The following TRAK1 variants were observed in gnomAD, a reference collection of about 807,000 sequenced individuals.
TRAK1 encodes trafficking kinesin protein 1, also known as trafficking kinesin-binding protein 1.
Under a neutral mutation model 92.1 loss-of-function variants are expected in TRAK1, and 33 were observed. The ratio of observed to expected loss-of-function variants is 0.36; its 90% CI spans 0.27 to 0.48. TRAK1 has a LOEUF of 0.48. Ranked by LOEUF, TRAK1 falls within the 20% of genes least tolerant of loss-of-function variation. The probability of loss-of-function intolerance (pLI) is 0.99; values close to 1 mark genes in which losing one functional copy is unlikely to be tolerated. For synonymous variants in TRAK1, 521 were observed against 517.3 expected (o/e 1.01, Z -0.10); for missense variants, 1,123 against 1,257.9 (o/e 0.89, Z 1.62).
intron 1 of TRAK1, among the ~76,000 whole-genome samples, chr3:42,016,217 C>CTT (rs562121140): frequency 2.7e-3 from 377 of 141,700 alleles, no homozygotes; most frequent in African/African-American, 9.5e-3. Flanking sequence ...TTTTTTTTTT[C>CTT]TTTTTGAGTC....
intron 1 of TRAK1, among the ~76,000 whole-genome samples, chr3:42,068,702 C>G (rs185378458): frequency 4.7e-4 from 71 of 152,322 alleles, no homozygotes; most frequent in African/African-American, 1.4e-3. Context: ...AATAGGGTCT[C>G]CATTTCGCCA....
intron 1 of TRAK1, among the ~76,000 whole-genome samples, chr3:42,112,267 A>G (rs1402526119): frequency 1.3e-5 from 2 of 148,350 alleles, no homozygotes; most frequent in Non-Finnish European, 3.0e-5. Flanking sequence ...CCTGGCCAAC[A>G]TGGCAAAACC....
At chr3:42,052,957 C>T (rs1703040266) in intron 1 of TRAK1, among the ~76,000 whole-genome samples, 1 of 152,134 alleles carries the variant, frequency 6.6e-6, no homozygotes, top group African/African-American at 2.4e-5. Flanking sequence ...GCTACTGGCA[C>T]ATTTTGGACC....
At chr3:42,091,128 G>A, upstream of TRAK1, 1 of 259,336 alleles carries the variant, frequency 3.9e-6, no homozygotes. Context: ...CAGACTTTTT[G>A]TTCCACTTTA....
chr3:42,047,584 C>T (rs558218706), intron 1 of TRAK1, among the ~76,000 whole-genome samples: 2 of 152,252 alleles, frequency 1.3e-5, no homozygotes, highest in South Asian at 2.1e-4. Context: ...TCCCACACTT[C>T]TAGGTTTGGC....
At position 42,091,433 on chromosome 3, in the gene TRAK1, C is replaced by G. The variant is rs776425140; in HGVS notation, c.-37C>G. The G allele has an allele frequency of 3.8e-6, 6 of 1,597,354 alleles. No individual in the cohort carries two copies. Among genetic ancestry groups the G allele is most frequent in the Non-Finnish European group, 5.1e-6 (6 of 1,166,844 alleles). ...GGCTGAGCTCTCATGGAGGCTCTCT[C>G]TGTTCTCTGAAGTGCCTTTGGAGTT... On this transcript the variant is annotated 5_prime_UTR_variant, in exon 1 of 16. Coordinates refer to ENST00000327628, the MANE Select transcript of TRAK1 (RefSeq NM_001042646.3).
In TRAK1 at chr3:42,223,283, G is replaced by A. The variant is rs749459137; in HGVS notation, c.2408G>A (p.Ser803Asn). 2 of 1,614,172 alleles carry A rather than the reference G, an allele frequency of 1.2e-6. No individual in the cohort carries two copies. Among genetic ancestry groups the A allele is most frequent in the African/African-American group, 1.3e-5 (1 of 75,062 alleles). Reference protein sequence around the residue: ...SPPSFEFKCTSPPYDNFLASK... With the variant: ...SPPSFEFKCTNPPYDNFLASK... ...CCCTCCTTTGAGTTCAAGTGCACGA[G>A]CCCTCCCTACGACAATTTCCTGGCT... is the stretch of plus-strand genomic sequence containing the variant. The change falls in exon 16 of 16, where the codon AGC becomes AAC. Residue 803 changes from serine to asparagine, a missense_variant. Around this residue, in one of 3 missense-constraint regions of TRAK1, gnomAD observed 401 missense variants for 438.9 expected, o/e 0.91. Transcript: ENST00000327628. This position sits in a 1 kb window ranked among gnomAD's most constrained non-coding sequence, Gnocchi z 6.1.
chr3:42,074,331 C>T (rs1282033743), intron 1 of TRAK1, among the ~76,000 whole-genome samples: 2 of 152,178 alleles, frequency 1.3e-5, no homozygotes, highest in Non-Finnish European at 2.9e-5. Flanking sequence ...AGTGCTGGGG[C>T]TGTCGACGCT....
intron 3 of TRAK1, among the ~76,000 whole-genome samples, chr3:42,177,513 ATAAGT>A (rs1300765989): frequency 6.6e-6 from 1 of 152,230 alleles, no homozygotes. Flanking sequence ...TATTTGTTGA[ATAAGT>A]CTCCATCATT....
intron 1 of TRAK1, among the ~76,000 whole-genome samples, chr3:42,075,895 T>A (rs1285573687): frequency 1.3e-5 from 2 of 152,144 alleles, no homozygotes; most frequent in Admixed American, 1.3e-4. Flanking sequence ...CAGGCTGGAG[T>A]GCAGTGGCAC....
intron 1 of TRAK1, among the ~76,000 whole-genome samples, chr3:42,097,277 GATAGC>G (rs1455569623): frequency 6.6e-6 from 1 of 152,192 alleles, no homozygotes; most frequent in Non-Finnish European, 1.5e-5. Flanking sequence ...CTGGGTTGGG[GATAGC>G]CATGTTCCCA....
At chr3:42,128,994 T>C (rs1014403123) in intron 2 of TRAK1, among the ~76,000 whole-genome samples, 3 of 152,238 alleles carry the variant, frequency 2.0e-5, no homozygotes, top group Non-Finnish European at 4.4e-5. Flanking sequence ...TTTTTGTCGT[T>C]GTTAATATCC....
intron 1 of TRAK1, among the ~76,000 whole-genome samples, chr3:42,107,041 T>C (rs1489962776): frequency 2.0e-5 from 3 of 152,328 alleles, no homozygotes; most frequent in South Asian, 4.1e-4. Flanking sequence ...GATTGCCAGC[T>C]AACTTTGCTT....
chr3:42,138,803 C>T (rs1023380382), intron 2 of TRAK1, among the ~76,000 whole-genome samples: 5 of 150,336 alleles, frequency 3.3e-5, no homozygotes, highest in Non-Finnish European at 7.4e-5. Context: ...GCACACAGTG[C>T]TGACCTTCTG....
chr3:42,182,107 G>GA (rs1384764938), intron 3 of TRAK1, among the ~76,000 whole-genome samples: 1 of 151,800 alleles, frequency 6.6e-6, no homozygotes, highest in Non-Finnish European at 1.5e-5. Flanking sequence ...CCGGCCAAGG[G>GA]AACTTCTTGG....
In TRAK1 at chr3:42,223,214, C is replaced by G. The variant is rs750444842; in HGVS notation, c.2339C>G (p.Ser780Cys). 3 of 1,614,216 alleles carry G rather than the reference C, an allele frequency of 1.9e-6. No homozygotes were observed. The highest frequency in any genetic ancestry group is 1.6e-4 in the Middle Eastern group (1 of 6,062). ...ACGCCCAAGATGGCTGTGATCCCCTCTACTCCGCCGAACTCGCCTATGCAG... is the reference window on the plus strand; with the variant it reads ...ACGCCCAAGATGGCTGTGATCCCCTGTACTCCGCCGAACTCGCCTATGCAG... ...SYTPKMAVIP[S>C]TPPNSPMQTP... Residue 780 changes from serine to cysteine, a missense_variant, in exon 16 of 16, where the codon TCT becomes TGT. Around this residue, in one of 3 missense-constraint regions of TRAK1, gnomAD observed 401 missense variants for 438.9 expected, o/e 0.91. Coordinates refer to ENST00000327628, the MANE Select transcript of TRAK1 (RefSeq NM_001042646.3). The surrounding 1 kb of genome is among the most constrained non-coding windows in gnomAD (Gnocchi z 6.1).
rs544373627 is a variant in TRAK1 at position 42,121,745 on chromosome 3, T to C, written c.92-3675T>C. Among the ~76,000 whole-genome samples the C allele has an allele frequency of 2.4e-4, 36 of 152,308 alleles. No individual in the cohort carries two copies. In the Middle Eastern group the frequency reaches 0.017, roughly 72 times the overall value. On this transcript the variant is annotated intron_variant, in intron 1 of 15. Coordinates refer to ENST00000327628, the MANE Select transcript of TRAK1 (RefSeq NM_001042646.3). ...AATCCTATCCCATGTCCTAATTCTTTGGGCCTTTAAAGCATCTGAAAATTT... is the reference window on the plus strand; with the variant it reads ...AATCCTATCCCATGTCCTAATTCTTCGGGCCTTTAAAGCATCTGAAAATTT...
At chr3:42,102,918 C>T (rs560140397) in intron 1 of TRAK1, among the ~76,000 whole-genome samples, 3 of 152,274 alleles carry the variant, frequency 2.0e-5, no homozygotes, top group African/African-American at 7.2e-5. Context: ...GCAGGACTTA[C>T]TTTCACATTT....
At chr3:42,220,958 G>T (rs1710283405) in intron 15 of TRAK1, among the ~76,000 whole-genome samples, 1 of 152,032 alleles carries the variant, frequency 6.6e-6, no homozygotes, top group Non-Finnish European at 1.5e-5. Context: ...TGGTGCCCTG[G>T]GTAACTAGAT....
Sources: allele counts gnomAD v4.1 joint callset (sites outside exome capture counted in the v4.1 genomes callset), GRCh38; gene constraint gnomAD v4.1.1; regional missense constraint gnomAD v4.1.1; non-coding constraint Gnocchi (gnomAD v3.1); transcripts MANE v1.5; gene names NCBI Gene and HGNC (gene_info 2026-07-23, HGNC 2026-07-21).